MMP16: variants seen among roughly 807,000 people sequenced by gnomAD.
MMP16 encodes matrix metallopeptidase 16.
A neutral mutation model predicts 67.8 loss-of-function variants in MMP16; 12 were observed. That is an observed-to-expected ratio of 0.18 (90% CI 0.11 to 0.29). The LOEUF (loss-of-function observed/expected upper bound fraction) is 0.29. MMP16 is among the 10% of genes least tolerant of loss of function. The pLI is 1.00. For missense variants in MMP16, 475 were observed against 765.7 expected, an observed-to-expected ratio of 0.62 and a Z score of 4.48; for synonymous variants, 249 against 255.9, an observed-to-expected ratio of 0.97 and a Z score of 0.26.
chr8:88,090,964 G>A (rs1808923411), intron 6 of MMP16, among the ~76,000 whole-genome samples: 1 of 151,736 alleles, frequency 6.6e-6, no homozygotes, highest in Non-Finnish European at 1.5e-5. Flanking sequence ...ATCCTGGAAG[G>A]GGGAAAGTCT....
intron 7 of MMP16, among the ~76,000 whole-genome samples, chr8:88,074,285 C>A (rs559379344): frequency 5.9e-5 from 9 of 152,160 alleles, no homozygotes; most frequent in South Asian, 2.1e-4. Flanking sequence ...GCAAGCAACT[C>A]CAAATACTCC....
chr8:88,086,774 A>G (rs1563527541), intron 6 of MMP16, among the ~76,000 whole-genome samples: 1 of 151,916 alleles, frequency 6.6e-6, no homozygotes. Context: ...TTGTCTCTTC[A>G]ATCTCTTTCT....
At chr8:88,181,772 T>C (rs1808983795) in intron 3 of MMP16, among the ~76,000 whole-genome samples, 1 of 151,964 alleles carries the variant, frequency 6.6e-6, no homozygotes, top group Non-Finnish European at 1.5e-5. Context: ...TAAGACTTAC[T>C]ATAAAATCAG....
intron 1 of MMP16, among the ~76,000 whole-genome samples, chr8:88,235,106 T>C (rs1307850599): frequency 2.0e-5 from 3 of 152,152 alleles, no homozygotes; most frequent in Admixed American, 6.5e-5. Context: ...AAGATTAATT[T>C]ATGCCCAACT....
chr8:88,188,823 T>C (rs1809120997), intron 2 of MMP16, among the ~76,000 whole-genome samples: 1 of 152,038 alleles, frequency 6.6e-6, no homozygotes, highest in South Asian at 2.1e-4. Context: ...ACCTGGCTAA[T>C]TTTGTATTTT....
chr8:88,200,499 T>C (rs1223083680), intron 1 of MMP16, among the ~76,000 whole-genome samples: 1 of 151,992 alleles, frequency 6.6e-6, no homozygotes, highest in Non-Finnish European at 1.5e-5. Context: ...TGCTACCTGG[T>C]AGACAAAACC....
intron 1 of MMP16, among the ~76,000 whole-genome samples, chr8:88,273,381 G>A (rs903470115): frequency 4.0e-5 from 6 of 151,504 alleles, no homozygotes; most frequent in Non-Finnish European, 5.9e-5. Context: ...GTGAGCCACC[G>A]CACCTGGCCT....
Position 88,034,557 on chromosome 8 carries a change from G to C in MMP16, c.*6904C>G, listed in dbSNP as rs886388547. On this transcript the variant is annotated 3_prime_UTR_variant, in exon 10 of 10. Coordinates refer to ENST00000286614, the MANE Select transcript of MMP16 (RefSeq NM_005941.5). ...GACCTAAAAACCTAATTTTACTCAG[G>C]CAATGGTATAGACAGCCAATAATGT... 1 of 152,302 alleles carries C rather than the reference G, an allele frequency of 6.6e-6. No homozygotes were observed. The highest frequency in any genetic ancestry group is 2.4e-5 in the African/African-American group (1 of 41,394). 9.4% of individuals were successfully genotyped at this position (152,302 alleles called of 1,614,324 possible).
intron 2 of MMP16, among the ~76,000 whole-genome samples, chr8:88,193,638 C>T (rs1241553793): frequency 1.3e-5 from 2 of 151,830 alleles, no homozygotes; most frequent in African/African-American, 2.4e-5. Context: ...GTGATAGATA[C>T]CCCAACTACC....
chr8:88,043,507 T>C (rs912784720), intron 9 of MMP16, among the ~76,000 whole-genome samples: 1 of 152,166 alleles, frequency 6.6e-6, no homozygotes, highest in African/African-American at 2.4e-5. Flanking sequence ...AGTCTCAAAC[T>C]CCCGACCTCG....
At chr8:88,220,874 T>C (rs1809671573) in intron 1 of MMP16, among the ~76,000 whole-genome samples, 1 of 152,102 alleles carries the variant, frequency 6.6e-6, no homozygotes, top group Admixed American at 6.6e-5. Context: ...AGATTGAGTA[T>C]ATGTATTTCT....
chr8:88,045,517 C>T (rs1033644806), intron 9 of MMP16, among the ~76,000 whole-genome samples: 1 of 151,996 alleles, frequency 6.6e-6, no homozygotes, highest in Non-Finnish European at 1.5e-5. Flanking sequence ...ACTACAGGTA[C>T]ATGCCACCAT....
chr8:88,120,808 A>G (rs189866247), intron 4 of MMP16, among the ~76,000 whole-genome samples: 4 of 152,030 alleles, frequency 2.6e-5, no homozygotes, highest in African/African-American at 9.6e-5. Flanking sequence ...GACAGTCCCA[A>G]TGTAGACTTA....
intron 4 of MMP16, among the ~76,000 whole-genome samples, chr8:88,120,231 A>G (rs1390248003): frequency 6.6e-6 from 1 of 152,034 alleles, no homozygotes; most frequent in East Asian, 1.9e-4. Context: ...GAAGAGTTAC[A>G]TAACTATGAC....
Position 88,197,155 on chromosome 8 carries a change from T to C in MMP16, c.281+3A>G, listed in dbSNP as rs765878177. On this transcript the variant is annotated splice_donor_region_variant and intron_variant, in intron 2 of 9. Transcript: ENST00000286614. ...AGAAAGGAGGATGGGAGCCATTACT[T>C]ACTCAATTGTGTTTCTGTCCACTTT... The C allele has an allele frequency of 6.2e-7, 1 of 1,608,254 alleles. No individual in the cohort carries two copies. Among genetic ancestry groups the C allele is most frequent in the African/African-American group, 1.3e-5 (1 of 74,658 alleles).
rs1808007156 is a variant in MMP16, at chr8:88,033,118, A to T, written c.*8343T>A. On this transcript the variant is annotated 3_prime_UTR_variant, in exon 10 of 10. Transcript: ENST00000286614. ...ACCACAATATAGAAAGGAAAAAATT[A>T]GTTTCACAAGAAGCTATAAAATGTG... is the stretch of plus-strand genomic sequence containing the variant. The T allele has an allele frequency of 6.6e-6, 1 of 151,974 alleles. No individual in the cohort carries two copies. Among genetic ancestry groups the T allele is most frequent in the Non-Finnish European group, 1.5e-5 (1 of 67,918 alleles). The allele number at this position is 151,974 out of a possible 1,614,324, so 9.4% of individuals were successfully genotyped here.
At chr8:88,230,125 A>G (rs929056917) in intron 1 of MMP16, among the ~76,000 whole-genome samples, 1 of 152,028 alleles carries the variant, frequency 6.6e-6, no homozygotes, top group Admixed American at 6.6e-5. Context: ...TATCTCTAGG[A>G]CAAGGATTCT....
At chr8:88,274,611 C>A (rs998949077) in intron 1 of MMP16, among the ~76,000 whole-genome samples, 1 of 151,798 alleles carries the variant, frequency 6.6e-6, no homozygotes, top group Admixed American at 6.6e-5. Context: ...CATAAAAGTT[C>A]AACTAAAAAG....
chr8:88,286,671 G>A (rs1224748953), intron 1 of MMP16, among the ~76,000 whole-genome samples: 5 of 151,994 alleles, frequency 3.3e-5, no homozygotes, highest in Middle Eastern at 6.8e-3. Context: ...CACCTCCAGC[G>A]TTCATGCCAT....
Sources: allele counts gnomAD v4.1 joint callset (sites outside exome capture counted in the v4.1 genomes callset), GRCh38; gene constraint gnomAD v4.1.1; transcripts MANE v1.5; gene names NCBI Gene and HGNC (gene_info 2026-07-23, HGNC 2026-07-21).